The following PTPDC1 variants were observed in gnomAD, a reference collection of about 807,000 sequenced individuals.
PTPDC1 encodes protein tyrosine phosphatase domain containing 1.
Under a neutral mutation model 75.3 loss-of-function variants are expected in PTPDC1, and 53 were observed. That is an observed-to-expected ratio of 0.70 (90% CI 0.56 to 0.88). The LOEUF is 0.88. Among genes scored for constraint, PTPDC1 ranks in the 40% least tolerant of loss-of-function variants. The pLI is 0.00. For missense variants in PTPDC1, 925 were observed against 998.6 expected, an observed-to-expected ratio of 0.93 and a Z score of 0.99; for synonymous variants, 349 against 366.2, an observed-to-expected ratio of 0.95 and a Z score of 0.54.
rs1227129149 is a variant in PTPDC1, at chr9:94,084,558, C to T, written c.28C>T (p.Pro10Ser). Residue 10 changes from proline to serine, a missense_variant, in exon 1 of 9, where the codon CCC becomes TCC. Pro to Ser is a moderately conservative substitution (Grantham distance 74). Coordinates refer to ENST00000620992, the MANE Select transcript of PTPDC1 (RefSeq NM_001253829.2). ...GCAGGTGCAGGATGCAACCAGGCGG[C>T]CCTCAGCCGTGCGCTTCCTCAGCTC... The part of the protein sequence containing the change: MQVQDATRR[P>S]SAVRFLSSFL... 1 of 1,612,758 alleles carries T rather than the reference C, an allele frequency of 6.2e-7. No homozygotes were observed. The highest frequency in any genetic ancestry group is 2.2e-5 in the East Asian group (1 of 44,882).
At chr9:94,040,865 G>C (rs557893130) in intron 1 of PTPDC1, among the ~76,000 whole-genome samples, 1 of 152,098 alleles carries the variant, frequency 6.6e-6, no homozygotes, top group Non-Finnish European at 1.5e-5. Flanking sequence ...ATCCTGACTT[G>C]GGCAATTTAT....
chr9:94,085,921 A>T (rs1827059356), intron 2 of PTPDC1, among the ~76,000 whole-genome samples: 1 of 152,102 alleles, frequency 6.6e-6, no homozygotes, highest in African/African-American at 2.4e-5. Flanking sequence ...AACATAAGAT[A>T]TTTGCTTTTT....
At chr9:94,069,681 C>A (rs1463642360) in intron 2 of PTPDC1, among the ~76,000 whole-genome samples, 1 of 151,784 alleles carries the variant, frequency 6.6e-6, no homozygotes, top group East Asian at 1.9e-4. Flanking sequence ...CCACTGCGCC[C>A]AGCTAATTTT....
At chr9:94,037,640 A>G (rs1825312506) in intron 1 of PTPDC1, among the ~76,000 whole-genome samples, 1 of 152,126 alleles carries the variant, frequency 6.6e-6, no homozygotes, top group African/African-American at 2.4e-5. Context: ...CTATTAATAA[A>G]TTACTGTACA....
At chr9:94,090,420 G>T (rs1341953342) in intron 4 of PTPDC1, among the ~76,000 whole-genome samples, 2 of 150,702 alleles carry the variant, frequency 1.3e-5, no homozygotes, top group African/African-American at 4.9e-5. Flanking sequence ...GAGGGCTCTG[G>T]TCTGTTCCAT....
At chr9:94,092,586 G>T (rs1344703274) in intron 4 of PTPDC1, among the ~76,000 whole-genome samples, 1 of 152,040 alleles carries the variant, frequency 6.6e-6, no homozygotes, top group East Asian at 1.9e-4. Context: ...GAGTTCTGTA[G>T]ATGTCTATTA....
chr9:94,031,980 A>G (rs1238952335), intron 1 of PTPDC1, among the ~76,000 whole-genome samples: 1 of 152,250 alleles, frequency 6.6e-6, no homozygotes, highest in Non-Finnish European at 1.5e-5. Flanking sequence ...ACAGGTACAT[A>G]CATATATACA....
At chr9:94,050,380 A>G (rs958824741) in intron 1 of PTPDC1, among the ~76,000 whole-genome samples, 1 of 152,168 alleles carries the variant, frequency 6.6e-6, no homozygotes, top group Non-Finnish European at 1.5e-5. Context: ...GGTGACGTAC[A>G]GATGGGGTTT....
At chr9:94,062,834 G>A (rs532078119) in intron 1 of PTPDC1, among the ~76,000 whole-genome samples, 27 of 152,210 alleles carry the variant, frequency 1.8e-4, no homozygotes, top group Admixed American at 1.6e-3. Flanking sequence ...ACATGTTTTC[G>A]GTAGGCTTTA....
chr9:94,054,247 G>A (rs1431805815), intron 1 of PTPDC1, among the ~76,000 whole-genome samples: 2 of 152,196 alleles, frequency 1.3e-5, no homozygotes, highest in South Asian at 2.1e-4. Context: ...TTAGGGTGAT[G>A]TGGAGGGTTT....
rs1051540308 is a variant in PTPDC1, at chr9:94,098,591, A to G, written c.2013+12A>G. The stretch of plus-strand genomic sequence containing the variant: ...TAGAAATGTGGCAGGTATTATTAGT[A>G]CTTAATTTAATTATAGATATGTGGG... On this transcript the variant is annotated intron_variant, in intron 6 of 8. Coordinates refer to ENST00000620992, the MANE Select transcript of PTPDC1 (RefSeq NM_001253829.2). 21 of 1,588,090 alleles carry G rather than the reference A, an allele frequency of 1.3e-5. No homozygotes were observed. The highest frequency in any genetic ancestry group is 1.7e-4 in the Middle Eastern group (1 of 6,026).
rs1216976815 is a variant in PTPDC1, at chr9:94,107,977, G to T, written c.*33G>T. On this transcript the variant is annotated 3_prime_UTR_variant, in exon 9 of 9. Coordinates refer to ENST00000620992, the MANE Select transcript of PTPDC1 (RefSeq NM_001253829.2). ...TCGTGGTGAATATTTCAGACCTAAA[G>T]ATCCAGATAGTATCTCTGTTCATAT... is the stretch of plus-strand genomic sequence containing the variant. 1 of 1,280,350 alleles carries T rather than the reference G, an allele frequency of 7.8e-7. No individual in the cohort carries two copies. Among genetic ancestry groups the T allele is most frequent in the Non-Finnish European group, 1.1e-6 (1 of 918,606 alleles). 79.3% of individuals were successfully genotyped at this position (1,280,350 alleles called of 1,614,324 possible).
chr9:94,086,316 T>C (rs1336105297), intron 2 of PTPDC1, among the ~76,000 whole-genome samples: 1 of 152,182 alleles, frequency 6.6e-6, no homozygotes, highest in African/African-American at 2.4e-5. Flanking sequence ...ACAAGAAAAT[T>C]TCTAATAATG....
chr9:94,044,567 A>C (rs1009757209), intron 1 of PTPDC1, among the ~76,000 whole-genome samples: 1 of 152,126 alleles, frequency 6.6e-6, no homozygotes, highest in African/African-American at 2.4e-5. Flanking sequence ...CAGTTTGCTG[A>C]GGATGACTTT....
rs1164829957 is a variant in PTPDC1, at chr9:94,085,316, G to A, written c.310G>A (p.Gly104Arg). The A allele has an allele frequency of 1.9e-6, 3 of 1,614,096 alleles. No individual in the cohort carries two copies. The highest frequency in any genetic ancestry group is 1.7e-5 in the Admixed American group (1 of 60,020). ...VGERLRHVIP[G>R]HMACSMACGG... is the part of the protein sequence containing the mutation. Reference sequence around the variant, plus strand: ...GGAGCGTTTACGGCATGTCATTCCTGGACACATGGCATGTTCCATGGCGTG... The same window carrying A: ...GGAGCGTTTACGGCATGTCATTCCTAGACACATGGCATGTTCCATGGCGTG... The change falls in exon 2 of 9, where the codon GGA (glycine) becomes AGA (arginine). Residue 104 changes from glycine to arginine, a missense_variant. Transcript: ENST00000620992.
Position 94,046,006 on chromosome 9 carries a change from T to G in PTPDC1, c.-7+14879T>G, listed in dbSNP as rs551711129. Among the ~76,000 whole-genome samples, 26 of 152,354 alleles carry G rather than the reference T, an allele frequency of 1.7e-4. 1 individual carries two copies. The South Asian group carries it at 3.9e-3, about 23-fold the overall frequency. On this transcript the variant is annotated intron_variant, in intron 1 of 9. Transcript: ENST00000375360. Reference sequence around the variant, plus strand: ...TAACATTTAAGTCTTTAATCCATCTTGAATTAATTTTTGTATAAGTTGTAA... The same window carrying G: ...TAACATTTAAGTCTTTAATCCATCTGGAATTAATTTTTGTATAAGTTGTAA...
In PTPDC1 at chr9:94,079,051, T is replaced by C. The variant is rs184892379; in HGVS notation, c.83-6200T>C. On this transcript the variant is annotated intron_variant, in intron 2 of 9. Transcript: ENST00000375360. ...GGTCATACTTTTTTCTTTCTTTCCATGTCTCATACTTTTTGTTGAAAACTG... is the reference window on the plus strand; with the variant it reads ...GGTCATACTTTTTTCTTTCTTTCCACGTCTCATACTTTTTGTTGAAAACTG... 3.9e-5 allele frequency among the ~76,000 whole-genome samples: 6 copies of C among 152,380 alleles called. No individual in the cohort carries two copies. In the East Asian group the frequency reaches 1.2e-3, roughly 29 times the overall value.
At chr9:94,061,952 G>A (rs929878556) in intron 1 of PTPDC1, among the ~76,000 whole-genome samples, 2 of 152,180 alleles carry the variant, frequency 1.3e-5, no homozygotes, top group Non-Finnish European at 1.5e-5. Flanking sequence ...TTGCTCTCCT[G>A]TAAATGGACT....
At chr9:94,063,320 A>T (rs370712631) in intron 1 of PTPDC1, among the ~76,000 whole-genome samples, 3 of 152,226 alleles carry the variant, frequency 2.0e-5, no homozygotes, top group Non-Finnish European at 4.4e-5. Context: ...AAAATATGGT[A>T]AAAAATGTTT....
Sources: allele counts gnomAD v4.1 joint callset (sites outside exome capture counted in the v4.1 genomes callset), GRCh38; gene constraint gnomAD v4.1.1; transcripts MANE v1.5; gene names NCBI Gene and HGNC (gene_info 2026-07-23, HGNC 2026-07-21).